The following IL20RB variants were observed in gnomAD, a reference collection of about 807,000 sequenced individuals.
IL20RB encodes interleukin-20 receptor subunit beta.
IL20RB carries 21 observed loss-of-function variants against 33.3 expected under a neutral mutation model. That is an observed-to-expected ratio of 0.63 (90% CI 0.45 to 0.91). The LOEUF (loss-of-function observed/expected upper bound fraction) is 0.91, where lower values mean the gene tolerates loss of function less well. Ranked by LOEUF, IL20RB falls within the 40% of genes least tolerant of loss-of-function variation. The probability of loss-of-function intolerance (pLI) is 0.00; values close to 1 mark genes in which losing one functional copy is unlikely to be tolerated. For synonymous variants in IL20RB, 147 were observed against 146.8 expected, an observed-to-expected ratio of 1.00 and a Z score of -0.01; for missense variants, 345 against 384.8, an observed-to-expected ratio of 0.90 and a Z score of 0.86.
chr3:136,987,816 C>G (rs1941944438), intron 3 of IL20RB, among the ~76,000 whole-genome samples: 3 of 152,206 alleles, frequency 2.0e-5, no homozygotes, highest in Admixed American at 1.3e-4. Flanking sequence ...ACACCCTCCG[C>G]AGCCGCTGGC....
At chr3:136,966,530 A>G (rs1941355233) in intron 1 of IL20RB, among the ~76,000 whole-genome samples, 1 of 90,336 alleles carries the variant, frequency 1.1e-5, no homozygotes, top group Non-Finnish European at 2.2e-5. Flanking sequence ...TTTCTGTGTT[A>G]TCGGTGGTGA....
At chr3:137,009,239 G>A (rs1933016518) in intron 6 of IL20RB, among the ~76,000 whole-genome samples, 1 of 152,216 alleles carries the variant, frequency 6.6e-6, no homozygotes, top group African/African-American at 2.4e-5. Flanking sequence ...GGAGTGATGA[G>A]GAGAAGGGCC....
intron 6 of IL20RB, among the ~76,000 whole-genome samples, chr3:137,002,912 T>G (rs532999425): frequency 1.1e-4 from 17 of 152,358 alleles, no homozygotes; most frequent in Non-Finnish European, 2.4e-4. Context: ...GGTCTAACAT[T>G]TAAGTCTTTA....
At chr3:136,988,343 G>T (rs950563913) in intron 3 of IL20RB, among the ~76,000 whole-genome samples, 1 of 152,182 alleles carries the variant, frequency 6.6e-6, no homozygotes. Context: ...CTGATGGGAA[G>T]GTATCCACAA....
intron 6 of IL20RB, among the ~76,000 whole-genome samples, chr3:137,003,830 T>TC: frequency 6.6e-6 from 1 of 151,780 alleles, no homozygotes. Flanking sequence ...AGAGAGGGCA[T>TC]CCTTGTGCTG....
intron 1 of IL20RB, among the ~76,000 whole-genome samples, chr3:136,963,679 T>C (rs1247831782): frequency 2.4e-5 from 2 of 83,510 alleles, no homozygotes; most frequent in African/African-American, 1.1e-4. Context: ...TACTAGTTCT[T>C]TTTTTTTTTT....
At chr3:137,002,475 T>C (rs1352220496) in intron 6 of IL20RB, among the ~76,000 whole-genome samples, 1 of 152,186 alleles carries the variant, frequency 6.6e-6, no homozygotes, top group Non-Finnish European at 1.5e-5. Context: ...TTCTAACTGG[T>C]ATGAGATGGT....
chr3:136,958,222 A>G (rs6773440), intron 1 of IL20RB, 21 bp downstream of exon 1: 158,370 of 1,487,746 alleles, frequency 0.11, 9,837 homozygotes, highest in Middle Eastern at 0.13. Context: ...ATTAGAATAC[A>G]TCCAATAGTT....
intron 1 of IL20RB, 52 bp downstream of exon 1, chr3:136,958,253 AGAAGGCAAAAAATAC>A (rs755450071): frequency 1.4e-4 from 151 of 1,113,252 alleles, no homozygotes; most frequent in Non-Finnish European, 1.9e-4. Context: ...ATATAGGTTA[AGAAGGCAAAAAATAC>A]TTTCCCAGGG....
intron 1 of IL20RB, among the ~76,000 whole-genome samples, chr3:136,966,591 T>C (rs1265749440): frequency 2.3e-5 from 2 of 88,214 alleles, no homozygotes; most frequent in African/African-American, 9.4e-5. Flanking sequence ...TTCTCTTTTT[T>C]TCTTTATTAG....
intron 3 of IL20RB, 71 bp downstream of exon 3, chr3:136,982,421 T>A (rs990929576): frequency 1.8e-6 from 2 of 1,128,548 alleles, no homozygotes; most frequent in Non-Finnish European, 2.5e-6. Flanking sequence ...CACCTAAACT[T>A]TCTAGACTCT....
intron 3 of IL20RB, among the ~76,000 whole-genome samples, chr3:136,989,079 T>A (rs1488433589): frequency 6.6e-6 from 1 of 152,196 alleles, no homozygotes; most frequent in East Asian, 1.9e-4. Flanking sequence ...AGGAGGGGCA[T>A]GGATCATAAA....
intron 6 of IL20RB, among the ~76,000 whole-genome samples, 181 bp downstream of exon 6, chr3:136,995,737 C>G (rs1055400531): frequency 1.3e-5 from 2 of 152,164 alleles, no homozygotes; most frequent in Admixed American, 1.3e-4. Flanking sequence ...GAAGAAATCT[C>G]CCTTCTCCAG....
At chr3:136,983,150 T>G (rs1204437508) in intron 3 of IL20RB, among the ~76,000 whole-genome samples, 1 of 151,978 alleles carries the variant, frequency 6.6e-6, no homozygotes, top group Non-Finnish European at 1.5e-5. Flanking sequence ...TGCAGTGGCG[T>G]GATCTCAGCT....
intron 6 of IL20RB, among the ~76,000 whole-genome samples, chr3:136,998,316 A>G (rs977295820): frequency 1.3e-5 from 2 of 151,742 alleles, no homozygotes; most frequent in African/African-American, 4.8e-5. Flanking sequence ...TTAATATTAT[A>G]TCATTTCACA....
intron 1 of IL20RB, among the ~76,000 whole-genome samples, chr3:136,967,500 C>G (rs1941383265): frequency 3.9e-5 from 1 of 25,594 alleles, no homozygotes; most frequent in Non-Finnish European, 7.9e-5. Flanking sequence ...TCTGTTTTAT[C>G]AGAGACTAGG....
chr3:136,984,499 T>C (rs1336966540), intron 3 of IL20RB, among the ~76,000 whole-genome samples: 3 of 152,044 alleles, frequency 2.0e-5, no homozygotes, highest in Non-Finnish European at 2.9e-5. Flanking sequence ...TTTCGTGATG[T>C]GGCAGAAGAG....
intron 6 of IL20RB, among the ~76,000 whole-genome samples, chr3:136,998,028 C>G (rs1942165425): frequency 6.6e-6 from 1 of 151,982 alleles, no homozygotes; most frequent in East Asian, 1.9e-4. Context: ...CCTTGGCCTC[C>G]CAAAGTGCTG....
intron 6 of IL20RB, among the ~76,000 whole-genome samples, chr3:137,009,164 A>T (rs1423065957): frequency 6.6e-6 from 1 of 152,204 alleles, no homozygotes; most frequent in Non-Finnish European, 1.5e-5. Context: ...AATGAAGCTG[A>T]TGTCTCCTGA....
Sources: allele counts gnomAD v4.1 joint callset (sites outside exome capture counted in the v4.1 genomes callset), GRCh38; gene constraint gnomAD v4.1.1; transcripts MANE v1.5; gene names NCBI Gene and HGNC (gene_info 2026-07-23, HGNC 2026-07-21).